Variants in KCNH5 observed in about 807,000 individuals in gnomAD.
The protein encoded by KCNH5 is potassium voltage-gated channel subfamily H member 5, also known as voltage-gated delayed rectifier potassium channel KCNH5.
In KCNH5, 46 loss-of-function variants were observed where a neutral mutation model predicts 96.1. The observed-to-expected ratio is 0.48, with a 90% CI of 0.38 to 0.61. KCNH5 has a LOEUF of 0.61. Ranked by LOEUF, KCNH5 falls within the 20% of genes least tolerant of loss-of-function variation. The pLI is 0.00. For missense variants in KCNH5, 907 were observed against 1,225.8 expected, an observed-to-expected ratio of 0.74 and a Z score of 3.88; for synonymous variants, 439 against 449.8, an observed-to-expected ratio of 0.98 and a Z score of 0.30.
chr14:62,950,682 T>C (rs1410500463), intron 6 of KCNH5, 123 bp from the exon 7 acceptor site: 3 of 677,134 alleles, frequency 4.4e-6, no homozygotes, highest in South Asian at 4.0e-5. Context: ...AACATATGTA[T>C]ATTATAGGTC....
intron 7 of KCNH5, among the ~76,000 whole-genome samples, chr14:62,897,449 G>A (rs1343015480): frequency 6.6e-6 from 1 of 152,098 alleles, no homozygotes; most frequent in Non-Finnish European, 1.5e-5. Flanking sequence ...AAGTAACAAA[G>A]AGAAGAATGA....
intron 2 of KCNH5, among the ~76,000 whole-genome samples, chr14:63,011,606 C>T (rs775919672): frequency 2.0e-5 from 3 of 152,094 alleles, no homozygotes; most frequent in Non-Finnish European, 4.4e-5. Flanking sequence ...ACATGGTCTT[C>T]AAAGGATTTC....
At chr14:62,950,811 C>T (rs1013765813) in intron 6 of KCNH5, among the ~76,000 whole-genome samples, 2 of 152,174 alleles carry the variant, frequency 1.3e-5, no homozygotes, top group African/African-American at 4.8e-5. Flanking sequence ...CTAAGAAATT[C>T]CCAATTTATT....
chr14:62,701,433 T>G lies in KCNH5; in HGVS notation c.*6075A>C, dbSNP rs1366546375. The G allele has an allele frequency of 3.3e-5, 5 of 152,188 alleles. No homozygotes were observed. The highest frequency in any genetic ancestry group is 3.3e-4 in the Admixed American group (5 of 15,270). The allele number at this position is 152,188 out of a possible 1,614,324, so 9.4% of individuals were successfully genotyped here. ...AACTCTGGTCATAAGCTGCACTTTT[T>G]GGTTTACTCTTCTTTGACCAAGTGC... On this transcript the variant is annotated 3_prime_UTR_variant, in exon 11 of 11. Coordinates refer to ENST00000322893, the MANE Select transcript of KCNH5 (RefSeq NM_139318.5).
intron 7 of KCNH5, among the ~76,000 whole-genome samples, chr14:62,872,956 C>T (rs1479635517): frequency 6.6e-6 from 1 of 152,008 alleles, no homozygotes; most frequent in Admixed American, 6.6e-5. Context: ...CGAGACCATC[C>T]TAGCTAACAC....
At chr14:63,005,049 T>C (rs116212051) in intron 3 of KCNH5, among the ~76,000 whole-genome samples, 2,611 of 152,258 alleles carry the variant, frequency 0.017, 84 homozygotes, top group African/African-American at 0.059. Context: ...AAATTATCAA[T>C]ATGTACTTAG....
intron 4 of KCNH5, among the ~76,000 whole-genome samples, chr14:62,998,669 T>C (rs1890954554): frequency 6.6e-6 from 1 of 152,204 alleles, no homozygotes; most frequent in East Asian, 1.9e-4. Flanking sequence ...TTTTCTTTAG[T>C]TAAAAATATT....
intron 10 of KCNH5, among the ~76,000 whole-genome samples, chr14:62,737,562 G>A (rs377381189): frequency 6.0e-4 from 92 of 152,218 alleles, no homozygotes; most frequent in Middle Eastern, 6.8e-3. Context: ...GCATATAAAA[G>A]TGCATCTGAA....
intron 7 of KCNH5, among the ~76,000 whole-genome samples, chr14:62,879,783 T>G (rs559538114): frequency 2.6e-5 from 4 of 152,194 alleles, no homozygotes; most frequent in African/African-American, 9.6e-5. Context: ...TTGATCTTTT[T>G]CCATAGAATT....
At position 63,027,305 on chromosome 14, in the gene KCNH5, T is replaced by C. The variant is rs1891541820; in HGVS notation, c.74-10351A>G. On this transcript the variant is annotated intron_variant, in intron 1 of 10. Transcript: ENST00000322893. ...GTTAATGACAGTTGATAGCAATATA[T>C]TGTATATTTGAAAATCTCCAAGGGA... 3.9e-5 allele frequency among the ~76,000 whole-genome samples: 6 copies of C among 151,906 alleles called. No individual in the cohort carries two copies. In the South Asian group the frequency reaches 8.3e-4, roughly 21 times the overall value.
chr14:62,866,331 T>A (rs1378898390), intron 7 of KCNH5, among the ~76,000 whole-genome samples: 1 of 152,212 alleles, frequency 6.6e-6, no homozygotes, highest in Admixed American at 6.5e-5. Flanking sequence ...GTGTACCCCA[T>A]GAAACACTGT....
chr14:62,780,055 A>C (rs759548350), intron 9 of KCNH5, 131 bp from the exon 10 acceptor site: 50 of 572,148 alleles, frequency 8.7e-5, no homozygotes, highest in Middle Eastern at 4.7e-4. Flanking sequence ...CCACATCTAT[A>C]AACACATAAC....
intron 10 of KCNH5, among the ~76,000 whole-genome samples, chr14:62,742,466 C>CT (rs35737856): frequency 0.55 from 83,825 of 151,744 alleles, 24,092 homozygotes; most frequent in African/African-American, 0.7. Context: ...TCAATCCTGG[C>CT]GCACATTAGA....
At chr14:62,747,874 T>C (rs913206901) in intron 10 of KCNH5, among the ~76,000 whole-genome samples, 1 of 152,208 alleles carries the variant, frequency 6.6e-6, no homozygotes, top group African/African-American at 2.4e-5. Flanking sequence ...AGATACTGTT[T>C]TGTGTTAATA....
chr14:62,764,990 A>G (rs549605562), intron 10 of KCNH5, among the ~76,000 whole-genome samples: 2 of 152,332 alleles, frequency 1.3e-5, no homozygotes, highest in African/African-American at 4.8e-5. Flanking sequence ...CAAACTTCCA[A>G]TGATATTTTT....
intron 1 of KCNH5, among the ~76,000 whole-genome samples, chr14:63,017,955 C>G (rs545942201): frequency 2.0e-5 from 3 of 151,964 alleles, no homozygotes; most frequent in Non-Finnish European, 4.4e-5. Context: ...AAAAACTGCT[C>G]TGGGTCAAAC....
chr14:62,950,092 C>G (rs757561885), intron 7 of KCNH5, 41 bp downstream of exon 7: 3 of 1,569,820 alleles, frequency 1.9e-6, no homozygotes, highest in Non-Finnish European at 2.6e-6. Flanking sequence ...AGGAAAATTG[C>G]CAATAACAAT....
At chr14:62,785,079 G>A (rs1346889246) in intron 9 of KCNH5, among the ~76,000 whole-genome samples, 1 of 152,192 alleles carries the variant, frequency 6.6e-6, no homozygotes, top group Non-Finnish European at 1.5e-5. Flanking sequence ...TATGCAATAT[G>A]TAAACTGGAT....
intron 7 of KCNH5, among the ~76,000 whole-genome samples, chr14:62,923,343 C>T (rs1889413896): frequency 6.6e-6 from 1 of 151,840 alleles, no homozygotes; most frequent in Admixed American, 6.6e-5. Flanking sequence ...AATGGAAAGA[C>T]ATCCCATGTT....
Sources: gnomAD v4.1 joint callset for allele counts (sites outside exome capture counted in the v4.1 genomes callset) on GRCh38, gnomAD v4.1.1 for gene constraint, MANE v1.5 for transcripts, NCBI Gene and HGNC (gene_info 2026-07-23, HGNC 2026-07-21) for gene names.